Variants in PCNX1 observed in about 807,000 individuals in gnomAD.
PCNX1 encodes pecanex 1, also known as pecanex-like protein 1.
Under a neutral mutation model 242.2 loss-of-function variants are expected in PCNX1, and 78 were observed. The observed-to-expected ratio is 0.32, with a 90% CI of 0.27 to 0.39. The LOEUF (loss-of-function observed/expected upper bound fraction) is 0.39, where lower values mean the gene tolerates loss of function less well. PCNX1 is among the 10% of genes least tolerant of loss of function. The pLI is 1.00. For missense variants in PCNX1, 2,581 were observed against 2,856.5 expected (o/e 0.90, Z 2.20); for synonymous variants, 1,024 against 1,032.9 (o/e 0.99, Z 0.17).
rs1368996296 is a variant in PCNX1 at position 71,105,230 on chromosome 14, C to T, written c.6096-5C>T. 1.9e-6 allele frequency: 3 copies of T among 1,610,974 alleles called. No individual in the cohort carries two copies. The highest frequency in any genetic ancestry group is 2.2e-5 in the East Asian group (1 of 44,858). Reference sequence around the variant, plus strand: ...AATGCTTCCTACTCTGGTATTTGTTCCTAGGCTTAGGAAAGGTTGCGGAGC... The same window carrying T: ...AATGCTTCCTACTCTGGTATTTGTTTCTAGGCTTAGGAAAGGTTGCGGAGC... On this transcript the variant is annotated splice_polypyrimidine_tract_variant and splice_region_variant and intron_variant, in intron 32 of 35. Coordinates refer to ENST00000304743, the MANE Select transcript of PCNX1 (RefSeq NM_014982.3).
At chr14:71,055,028 T>TA (rs1388809974) in intron 24 of PCNX1, among the ~76,000 whole-genome samples, 3 of 152,228 alleles carry the variant, frequency 2.0e-5, no homozygotes, top group Non-Finnish European at 2.9e-5. Flanking sequence ...AGCTCAGTGT[T>TA]ACTTTGAAAA....
intron 13 of PCNX1, 23 bp from the exon 14 acceptor site, chr14:71,026,094 C>T (rs778179311): frequency 6.7e-7 from 1 of 1,485,460 alleles, no homozygotes; most frequent in South Asian, 1.4e-5. Flanking sequence ...ACCAAACTGA[C>T]TTTTAAAAAA....
chr14:71,010,511 T>TC (rs987058507), intron 9 of PCNX1, among the ~76,000 whole-genome samples: 1 of 151,978 alleles, frequency 6.6e-6, no homozygotes, highest in Admixed American at 6.5e-5. Flanking sequence ...GCTTCTTTTA[T>TC]CCCCCCATCT....
chr14:70,961,387 A>T (rs1031948093), intron 2 of PCNX1, among the ~76,000 whole-genome samples: 145 of 152,324 alleles, frequency 9.5e-4, no homozygotes, highest in Non-Finnish European at 1.7e-3. Context: ...CTGATCTTTG[A>T]CAAACCTGAG....
intron 1 of PCNX1, among the ~76,000 whole-genome samples, chr14:70,939,269 A>T (rs534023268): frequency 6.6e-6 from 1 of 152,316 alleles, no homozygotes; most frequent in East Asian, 1.9e-4. Flanking sequence ...CTGGACATTT[A>T]GTGCTATAAA....
rs1481033141 is a variant in PCNX1, at chr14:71,020,244, C to T, written c.3150+1082C>T. Among the ~76,000 whole-genome samples, 5 of 152,168 alleles carry T rather than the reference C, an allele frequency of 3.3e-5. No individual in the cohort carries two copies. In the South Asian group the frequency reaches 6.2e-4, roughly 19 times the overall value. ...TGTGAACAGTGCTGCAATAAACATA[C>T]GTGTGCATGTGTCTTTATAGCAGAA... On this transcript the variant is annotated intron_variant, in intron 12 of 35. Coordinates refer to ENST00000304743, the MANE Select transcript of PCNX1 (RefSeq NM_014982.3).
chr14:71,017,596 A>G (rs1370703210), intron 11 of PCNX1, among the ~76,000 whole-genome samples: 1 of 152,208 alleles, frequency 6.6e-6, no homozygotes. Flanking sequence ...ATTAGGCAAA[A>G]TTACTTAGCT....
intron 2 of PCNX1, among the ~76,000 whole-genome samples, chr14:70,948,168 C>T (rs546649270): frequency 2.3e-4 from 35 of 152,196 alleles, no homozygotes; most frequent in African/African-American, 7.0e-4. Context: ...TGCCCATTTG[C>T]CTTGTGATAT....
At position 71,025,432 on chromosome 14, in the gene PCNX1, C is replaced by G. The variant is rs139040746; in HGVS notation, c.3184-685C>G. On this transcript the variant is annotated intron_variant, in intron 13 of 35. Coordinates refer to ENST00000304743, the MANE Select transcript of PCNX1 (RefSeq NM_014982.3). ...CAGTCTTTTCTCTATGGAGCCCCCC[C>G]ACCTTTTTTGGTAGGTAATGGTATT... Among the ~76,000 whole-genome samples the G allele has an allele frequency of 9.9e-5, 15 of 152,004 alleles. No individual in the cohort carries two copies. The East Asian group carries it at 1.9e-3, about 20-fold the overall frequency.
chr14:70,948,759 A>G (rs116930034), intron 2 of PCNX1, among the ~76,000 whole-genome samples: 3,816 of 146,148 alleles, frequency 0.026, 74 homozygotes, highest in Middle Eastern at 0.054. Context: ...ATATATGTAC[A>G]TATACACATA....
chr14:70,955,125 A>G (rs1024521965), intron 2 of PCNX1, among the ~76,000 whole-genome samples: 1 of 152,224 alleles, frequency 6.6e-6, no homozygotes, highest in African/African-American at 2.4e-5. Context: ...TCTTTTAGAG[A>G]AAGAATCAGT....
At chr14:71,031,163 C>T (rs1428834320) in intron 16 of PCNX1, among the ~76,000 whole-genome samples, 1 of 152,200 alleles carries the variant, frequency 6.6e-6, no homozygotes, top group Non-Finnish European at 1.5e-5. Context: ...TGCACATGTA[C>T]ATATCTGCGA....
chr14:71,091,361 A>G (rs2062124815), intron 30 of PCNX1, among the ~76,000 whole-genome samples: 1 of 152,226 alleles, frequency 6.6e-6, no homozygotes, highest in Non-Finnish European at 1.5e-5. Context: ...ACTAAAAGAA[A>G]GGATATATGC....
At chr14:70,961,437 T>C (rs570290313) in intron 2 of PCNX1, among the ~76,000 whole-genome samples, 36 of 152,336 alleles carry the variant, frequency 2.4e-4, no homozygotes, top group South Asian at 4.1e-4. Context: ...ATTTAATAAA[T>C]GGTGCTGGGA....
chr14:71,097,378 C>G (rs58435681), intron 30 of PCNX1, among the ~76,000 whole-genome samples: 9,437 of 152,242 alleles, frequency 0.062, 424 homozygotes, highest in East Asian at 0.27. Flanking sequence ...TTTGAGAAAT[C>G]TCCAACTGCT....
intron 1 of PCNX1, among the ~76,000 whole-genome samples, chr14:70,913,753 C>G (rs187113434): frequency 2.0e-4 from 31 of 152,226 alleles, no homozygotes; most frequent in African/African-American, 7.0e-4. Context: ...GTTAGGGTGA[C>G]TAAAACAGGG....
At chr14:71,077,303 C>G (rs185322100) in intron 28 of PCNX1, among the ~76,000 whole-genome samples, 1 of 152,308 alleles carries the variant, frequency 6.6e-6, no homozygotes, top group East Asian at 1.9e-4. Context: ...AAAGCTAATT[C>G]CTACCACCAC....
At chr14:71,027,821 G>C (rs1369754983) in intron 15 of PCNX1, among the ~76,000 whole-genome samples, 1 of 151,848 alleles carries the variant, frequency 6.6e-6, no homozygotes, top group Non-Finnish European at 1.5e-5. Context: ...CAATCAGCAT[G>C]GCTTAATGGG....
chr14:70,945,631 A>G (rs1167767373), intron 1 of PCNX1, among the ~76,000 whole-genome samples: 2 of 151,736 alleles, frequency 1.3e-5, no homozygotes, highest in South Asian at 2.1e-4. Flanking sequence ...TGTCTGGCCC[A>G]TAAAGACCTT....
Sources: gnomAD v4.1 joint callset for allele counts (sites outside exome capture counted in the v4.1 genomes callset) on GRCh38, gnomAD v4.1.1 for gene constraint, MANE v1.5 for transcripts, NCBI Gene and HGNC (gene_info 2026-07-23, HGNC 2026-07-21) for gene names.